Variants in ARHGAP15 observed in about 807,000 individuals in gnomAD.
ARHGAP15 encodes Rho GTPase activating protein 15.
Under a neutral mutation model 63.7 loss-of-function variants are expected in ARHGAP15, and 51 were observed. The observed-to-expected ratio is 0.80, with a 90% CI of 0.64 to 1.01. The LOEUF (loss-of-function observed/expected upper bound fraction) is 1.01. Among genes scored for constraint, ARHGAP15 ranks in the 50% least tolerant of loss-of-function variants. The probability of loss-of-function intolerance (pLI) is 0.00; values close to 1 mark genes in which losing one functional copy is unlikely to be tolerated. For missense variants in ARHGAP15, 560 were observed against 564.6 expected, an observed-to-expected ratio of 0.99 and a Z score of 0.08; for synonymous variants, 191 against 193.8, an observed-to-expected ratio of 0.99 and a Z score of 0.12.
intron 1 of ARHGAP15, among the ~76,000 whole-genome samples, chr2:143,146,914 G>T (rs1290955182): frequency 6.6e-6 from 1 of 152,002 alleles, no homozygotes; most frequent in East Asian, 1.9e-4. Context: ...TCTGACTGTT[G>T]TCAATTACTG....
At chr2:143,458,807 A>T (rs944258024) in intron 8 of ARHGAP15, among the ~76,000 whole-genome samples, 6 of 152,166 alleles carry the variant, frequency 3.9e-5, no homozygotes, top group Non-Finnish European at 5.9e-5. Flanking sequence ...AAATAGAGCA[A>T]TTTTTTTGGA....
At chr2:143,254,455 A>G (rs13024411) in intron 6 of ARHGAP15, among the ~76,000 whole-genome samples, 25,741 of 151,962 alleles carry the variant, frequency 0.17, 2,350 homozygotes, top group Middle Eastern at 0.25. Flanking sequence ...TCTAAGTTGA[A>G]GGAAATTTTT....
In ARHGAP15 at chr2:143,216,585, A is replaced by G. The variant is rs1692766159; in HGVS notation, c.296+140A>G. On this transcript the variant is annotated intron_variant, in intron 4 of 13. Transcript: ENST00000295095. The stretch of plus-strand genomic sequence containing the variant: ...CTCCTCTGCTACTGCTATGATCAAC[A>G]TTATTTTTAATGGAACTACAGTTTT... The G allele has an allele frequency of 6.8e-6, 4 of 590,912 alleles. No homozygotes were observed. The South Asian group carries it at 7.1e-5, about 11-fold the overall frequency. The allele number at this position is 590,912 out of a possible 1,614,324, so 36.6% of individuals were successfully genotyped here. A position where few individuals can be genotyped will look rare whatever the true frequency, so the allele number is the denominator to read the frequency against.
At position 143,450,606 on chromosome 2, in the gene ARHGAP15, C is replaced by T. The variant is rs78558071; in HGVS notation, c.703+13564C>T. On this transcript the variant is annotated intron_variant, in intron 8 of 13. Transcript: ENST00000295095. The stretch of plus-strand genomic sequence containing the variant: ...GTTTGGGAGTATATATTTTTTACCT[C>T]GCAAGTAGAGACCTTGTTGCTGAAA... 8.2e-3 allele frequency among the ~76,000 whole-genome samples: 1,251 copies of T among 151,916 alleles called. 15 individuals are homozygous for T. Among genetic ancestry groups the T allele is most frequent in the African/African-American group, 0.029 (1,195 of 41,472 alleles).
At chr2:143,551,645 A>G (rs923119087) in intron 10 of ARHGAP15, among the ~76,000 whole-genome samples, 2 of 152,348 alleles carry the variant, frequency 1.3e-5, no homozygotes, top group Non-Finnish European at 2.9e-5. Flanking sequence ...GTTATCCTAT[A>G]GAATAAAATG....
At chr2:143,324,469 C>T (rs76016924) in intron 6 of ARHGAP15, among the ~76,000 whole-genome samples, 3,732 of 152,256 alleles carry the variant, frequency 0.025, 64 homozygotes, top group Non-Finnish European at 0.039. Flanking sequence ...GGAAGAAATA[C>T]TTATTAGTTT....
At chr2:143,675,576 AG>A (rs1682784886) in intron 12 of ARHGAP15, among the ~76,000 whole-genome samples, 1 of 152,208 alleles carries the variant, frequency 6.6e-6, no homozygotes, top group Non-Finnish European at 1.5e-5. Context: ...TTGTGTTAGC[AG>A]GCATGAAAGC....
intron 8 of ARHGAP15, among the ~76,000 whole-genome samples, chr2:143,470,292 G>GAA (rs527918583): frequency 1.5e-4 from 19 of 126,732 alleles, no homozygotes; most frequent in African/African-American, 3.7e-4. Context: ...CAAGGTTTTG[G>GAA]AAAAAAAAAA....
At chr2:143,352,351 A>G (rs1685609333) in intron 6 of ARHGAP15, among the ~76,000 whole-genome samples, 6 of 152,224 alleles carry the variant, frequency 3.9e-5, no homozygotes, top group Admixed American at 3.3e-4. Context: ...ACTTTTAAAA[A>G]ATAGATTTGC....
intron 6 of ARHGAP15, among the ~76,000 whole-genome samples, chr2:143,286,874 ATTG>A (rs1682131098): frequency 6.6e-6 from 1 of 152,160 alleles, no homozygotes; most frequent in South Asian, 2.1e-4. Flanking sequence ...GATGGAACCT[ATTG>A]TTTCTAAACC....
chr2:143,526,145 C>A (rs1694269180), intron 10 of ARHGAP15, among the ~76,000 whole-genome samples: 1 of 151,466 alleles, frequency 6.6e-6, no homozygotes, highest in South Asian at 2.1e-4. Flanking sequence ...TTATTAGTGA[C>A]ATTTAACAGA....
chr2:143,596,147 A>G (rs1574681148), intron 11 of ARHGAP15, among the ~76,000 whole-genome samples: 2 of 152,222 alleles, frequency 1.3e-5, no homozygotes, highest in African/African-American at 4.8e-5. Context: ...AGACCTTAGA[A>G]TGGAAATGTG....
intron 11 of ARHGAP15, among the ~76,000 whole-genome samples, chr2:143,594,403 A>G (rs1240175422): frequency 6.6e-6 from 1 of 152,234 alleles, no homozygotes; most frequent in Non-Finnish European, 1.5e-5. Context: ...ACAGATTTAC[A>G]GCTTTCTCCG....
intron 11 of ARHGAP15, among the ~76,000 whole-genome samples, chr2:143,615,559 T>C (rs1698422063): frequency 6.6e-6 from 1 of 152,190 alleles, no homozygotes; most frequent in South Asian, 2.1e-4. Flanking sequence ...GAAACCAGAA[T>C]GTTAAGTAAC....
At chr2:143,480,466 T>C (rs943719313) in intron 8 of ARHGAP15, among the ~76,000 whole-genome samples, 1 of 152,224 alleles carries the variant, frequency 6.6e-6, no homozygotes, top group African/African-American at 2.4e-5. Flanking sequence ...GTTATGAATC[T>C]AATTGTCTAT....
At chr2:143,562,567 T>TA (rs1696077160) in intron 11 of ARHGAP15, among the ~76,000 whole-genome samples, 1 of 152,350 alleles carries the variant, frequency 6.6e-6, no homozygotes, top group African/African-American at 2.4e-5. Context: ...GAATCATTGA[T>TA]ATTGCACCTT....
chr2:143,543,873 A>G (rs1695212876), intron 10 of ARHGAP15, among the ~76,000 whole-genome samples: 2 of 152,108 alleles, frequency 1.3e-5, no homozygotes, highest in Admixed American at 1.3e-4. Context: ...TCTTTGTTAG[A>G]TGGTTAACAG....
At chr2:143,367,583 A>C (rs539826950) in intron 6 of ARHGAP15, among the ~76,000 whole-genome samples, 3 of 152,008 alleles carry the variant, frequency 2.0e-5, no homozygotes, top group African/African-American at 7.2e-5. Flanking sequence ...ACATTAATTT[A>C]TCTTTCAGGA....
At chr2:143,668,835 A>G (rs1682371624) in intron 12 of ARHGAP15, among the ~76,000 whole-genome samples, 1 of 152,248 alleles carries the variant, frequency 6.6e-6, no homozygotes, top group Non-Finnish European at 1.5e-5. Context: ...TCAAGGATCT[A>G]GGCCACAAAA....
Sources: gnomAD v4.1 joint callset for allele counts (sites outside exome capture counted in the v4.1 genomes callset) on GRCh38, gnomAD v4.1.1 for gene constraint, MANE v1.5 for transcripts, NCBI Gene and HGNC (gene_info 2026-07-23, HGNC 2026-07-21) for gene names.